Variants in MTHFD1L observed in about 807,000 individuals in gnomAD.
MTHFD1L encodes the protein methylenetetrahydrofolate dehydrogenase (NADP+ dependent) 1 like.
A neutral mutation model predicts 119.5 loss-of-function variants in MTHFD1L; 81 were observed. That is an observed-to-expected ratio of 0.68 (90% CI 0.57 to 0.82). The LOEUF (loss-of-function observed/expected upper bound fraction) is 0.82. Ranked by LOEUF, MTHFD1L falls within the 40% of genes least tolerant of loss-of-function variation. The pLI, the probability that MTHFD1L is intolerant of heterozygous loss-of-function variation, is 0.00. For missense variants in MTHFD1L, 1,125 were observed against 1,253.4 expected, an observed-to-expected ratio of 0.90 and a Z score of 1.55; for synonymous variants, 430 against 475.2, an observed-to-expected ratio of 0.90 and a Z score of 1.24.
chr6:150,909,458 G>C (rs2128861524), intron 8 of MTHFD1L, among the ~76,000 whole-genome samples: 1 of 152,080 alleles, frequency 6.6e-6, no homozygotes. Context: ...GCCCAGGCTG[G>C]TCTTGAACTC....
intron 20 of MTHFD1L, among the ~76,000 whole-genome samples, chr6:150,994,063 GTAAAAAAAAAAAAAAA>G (rs1779401812): frequency 1.3e-5 from 1 of 78,470 alleles, no homozygotes; most frequent in African/African-American, 5.2e-5. Context: ...AACAACAACA[GTAAAAAAAAAAAAAAA>G]AGAAAGAAAG....
intron 26 of MTHFD1L, among the ~76,000 whole-genome samples, chr6:151,087,935 T>C (rs1255236023): frequency 1.3e-5 from 2 of 152,282 alleles, no homozygotes; most frequent in East Asian, 3.9e-4. Context: ...ATTTAGTGGC[T>C]CCTTAGTTAT....
chr6:150,935,894 A>C (rs1791965855), intron 11 of MTHFD1L, among the ~76,000 whole-genome samples: 1 of 152,204 alleles, frequency 6.6e-6, no homozygotes, highest in Non-Finnish European at 1.5e-5. Flanking sequence ...TGGAAAAAAA[A>C]AATTTTTAAC....
intron 20 of MTHFD1L, among the ~76,000 whole-genome samples, chr6:150,987,247 TTAGAGGTTTGAGACCCCTTTA>T (rs1778439405): frequency 6.6e-6 from 1 of 152,150 alleles, no homozygotes; most frequent in Non-Finnish European, 1.5e-5. Context: ...TATAGACCCT[TTAGAGGTTTGAGACCCCTTTA>T]TAGAGGTTTG....
chr6:150,986,547 G>A (rs746791498), intron 20 of MTHFD1L, among the ~76,000 whole-genome samples: 8 of 152,140 alleles, frequency 5.3e-5, no homozygotes, highest in Non-Finnish European at 1.2e-4. Flanking sequence ...CCTTACATGC[G>A]CAGTTCACAG....
chr6:150,885,602 G>T, intron 5 of MTHFD1L, 32 bp from the exon 6 acceptor site: 1 of 1,577,274 alleles, frequency 6.3e-7, no homozygotes, highest in South Asian at 1.1e-5. Flanking sequence ...GCTGGGCTTT[G>T]ACTTAACCTA....
intron 26 of MTHFD1L, among the ~76,000 whole-genome samples, chr6:151,065,996 C>T (rs1199080338): frequency 6.7e-6 from 1 of 148,680 alleles, no homozygotes; most frequent in Non-Finnish European, 1.5e-5. Flanking sequence ...AGAAGCATAA[C>T]TAAATTTATA....
intron 24 of MTHFD1L, among the ~76,000 whole-genome samples, chr6:151,028,934 G>A (rs1784952794): frequency 6.6e-6 from 1 of 151,552 alleles, no homozygotes; most frequent in Admixed American, 6.6e-5. Context: ...GAAATTAGCT[G>A]GTGGCTTACA....
chr6:150,933,804 A>G (rs1312398504), intron 11 of MTHFD1L, among the ~76,000 whole-genome samples: 2 of 152,090 alleles, frequency 1.3e-5, no homozygotes, highest in Admixed American at 6.6e-5. Flanking sequence ...GTTTTTAGAG[A>G]CAGGGTCTCA....
intron 26 of MTHFD1L, among the ~76,000 whole-genome samples, chr6:151,037,443 T>C (rs1786348955): frequency 6.6e-6 from 1 of 152,138 alleles, no homozygotes; most frequent in African/African-American, 2.4e-5. Context: ...TGTCAACCTT[T>C]ATCACACATA....
intron 20 of MTHFD1L, among the ~76,000 whole-genome samples, chr6:150,995,584 A>G (rs1779711200): frequency 6.6e-6 from 1 of 152,088 alleles, no homozygotes; most frequent in Admixed American, 6.5e-5. Flanking sequence ...GTACAAAGAT[A>G]ACCTGAGACA....
intron 26 of MTHFD1L, among the ~76,000 whole-genome samples, chr6:151,066,838 G>A (rs1791349399): frequency 6.6e-6 from 1 of 151,776 alleles, no homozygotes; most frequent in East Asian, 1.9e-4. Context: ...TGATGCTTTA[G>A]GAACTCCCAA....
At position 150,998,995 on chromosome 6, in the gene MTHFD1L, A is replaced by AAAAAAAAAAATGTATATATATAT. The variant is rs986639098; in HGVS notation, c.2126-10823_2126-10822insAAAAAAAAATGTATATATATATA. Reference sequence around the variant, plus strand: ...ACAGAGGGAGACCCTGTCTTAAAAAAATATATATACATATATATATATAGT... The same window carrying AAAAAAAAAAATGTATATATATAT: ...ACAGAGGGAGACCCTGTCTTAAAAAAAAAAAAAAAATGTATATATATATATATATATACATATATATATATAGT... On this transcript the variant is annotated intron_variant, in intron 20 of 27. Coordinates refer to ENST00000367321, the MANE Select transcript of MTHFD1L (RefSeq NM_015440.5). Among the ~76,000 whole-genome samples the AAAAAAAAAAATGTATATATATAT allele has an allele frequency of 7.0e-3, 1,004 of 143,394 alleles. 22 individuals carry two copies. The highest frequency in any genetic ancestry group is 0.021 in the African/African-American group (811 of 38,638). The allele number at this position is 143,394 out of a possible 152,430, so 94.1% of individuals were successfully genotyped here.
In MTHFD1L at chr6:150,876,112, G is replaced by T; in HGVS notation, c.250G>T (p.Glu84Ter). 6.2e-7 allele frequency: 1 copy of T among 1,607,884 alleles called. No homozygotes were observed. Among genetic ancestry groups the T allele is most frequent in the Non-Finnish European group, 8.5e-7 (1 of 1,177,338 alleles). The change falls in exon 2 of 28, where the codon GAA becomes TAA. Residue 84 changes from glutamate (E) to a stop codon, truncating the protein, a stop_gained. Transcript: ENST00000367321. LOFTEE classifies it high-confidence loss of function. ...IVREVIQNSK[E>*]VLSLLQEKNP... ...TAGAGAAGTCATTCAGAATTCAAAA[G>T]AAGTTCTAAGTTTATTGCAAGAAAA...
rs752071654 is a variant in MTHFD1L, at chr6:151,015,510, C to T, written c.2409-6C>T. On this transcript the variant is annotated splice_region_variant and splice_polypyrimidine_tract_variant and intron_variant, in intron 23 of 27. Transcript: ENST00000367321. ...GATGCAAAACCACAAACATTTTCTT[C>T]ACTAGGACCGACACCCGCGCTGAGA... 4 of 1,601,506 alleles carry T rather than the reference C, an allele frequency of 2.5e-6. No individual in the cohort carries two copies. Among genetic ancestry groups the T allele is most frequent in the Non-Finnish European group, 8.5e-7 (1 of 1,174,912 alleles).
chr6:151,068,534 C>A (rs574618365), intron 26 of MTHFD1L, among the ~76,000 whole-genome samples: 1 of 152,178 alleles, frequency 6.6e-6, no homozygotes, highest in Non-Finnish European at 1.5e-5. Context: ...CTTTCCAGCC[C>A]ACTCTCTGAC....
intron 20 of MTHFD1L, among the ~76,000 whole-genome samples, chr6:151,009,076 T>C (rs509392): frequency 0.39 from 56,490 of 144,710 alleles, 11,533 homozygotes; most frequent in African/African-American, 0.52. Context: ...GAGCTGAGAT[T>C]GTGCCATTGC....
chr6:150,988,386 A>G (rs1371923278), intron 20 of MTHFD1L, among the ~76,000 whole-genome samples: 17 of 152,170 alleles, frequency 1.1e-4, no homozygotes, highest in Admixed American at 1.1e-3. Context: ...AGTTTAGGAT[A>G]TTGCAATTAT....
chr6:151,003,842 G>A (rs1780981721), intron 20 of MTHFD1L, among the ~76,000 whole-genome samples: 1 of 152,056 alleles, frequency 6.6e-6, no homozygotes, highest in African/African-American at 2.4e-5. Context: ...GAGGGACCGG[G>A]GGCACCACAC....
Sources: allele counts gnomAD v4.1 joint callset (sites outside exome capture counted in the v4.1 genomes callset), GRCh38; gene constraint gnomAD v4.1.1; transcripts MANE v1.5; gene names NCBI Gene and HGNC (gene_info 2026-07-23, HGNC 2026-07-21).